TDRD3: variants seen among roughly 807,000 people sequenced by gnomAD.
The protein encoded by TDRD3 is tudor domain containing 3, also known as tudor domain-containing protein 3.
A neutral mutation model predicts 86.7 loss-of-function variants in TDRD3; 45 were observed. The ratio of observed to expected loss-of-function variants is 0.52; its 90% CI spans 0.41 to 0.67. The LOEUF (loss-of-function observed/expected upper bound fraction) is 0.67, where lower values mean the gene tolerates loss of function less well. TDRD3 is among the 30% of genes least tolerant of loss of function. The pLI is 0.00. For synonymous variants in TDRD3, 298 were observed against 301.7 expected, an observed-to-expected ratio of 0.99 and a Z score of 0.13; for missense variants, 814 against 889.0, an observed-to-expected ratio of 0.92 and a Z score of 1.07.
chr13:60,431,703 C>CAAA (rs67787868), intron 1 of TDRD3, among the ~76,000 whole-genome samples: 23 of 62,946 alleles, frequency 3.7e-4, no homozygotes, highest in East Asian at 1.2e-3. Context: ...CTATCTTTAC[C>CAAA]AAAAAAAAAA....
chr13:60,431,898 A>G (rs573374512), intron 1 of TDRD3, among the ~76,000 whole-genome samples: 132 of 152,122 alleles, frequency 8.7e-4, no homozygotes, highest in African/African-American at 3.1e-3. Flanking sequence ...TTTAAATAGT[A>G]CGTACCTTTA....
At position 60,509,657 on chromosome 13, in the gene TDRD3, A is replaced by C. The variant is rs559410453; in HGVS notation, c.859-106A>C. 27 of 1,342,868 alleles carry C rather than the reference A, an allele frequency of 2.0e-5. 1 individual carries two copies. The Middle Eastern group carries it at 6.3e-4, about 31-fold the overall frequency. The allele number at this position is 1,342,868 out of a possible 1,614,324, so 83.2% of individuals were successfully genotyped here. The stretch of plus-strand genomic sequence containing the variant: ...TGTTGTATTAGAATGACATTTTTAC[A>C]TAAGTATGGGATGTAATTTTTAGTT... On this transcript the variant is annotated intron_variant, in intron 8 of 13. Coordinates refer to ENST00000377881, the MANE Select transcript of TDRD3 (RefSeq NM_001146070.2).
At chr13:60,484,505 T>C (rs1956385476) in intron 6 of TDRD3, among the ~76,000 whole-genome samples, 1 of 152,146 alleles carries the variant, frequency 6.6e-6, no homozygotes, top group Middle Eastern at 3.4e-3. Flanking sequence ...AGGCAACAGA[T>C]CTGTGTTTCC....
intron 1 of TDRD3, among the ~76,000 whole-genome samples, chr13:60,412,749 G>C (rs1206349952): frequency 1.3e-5 from 2 of 152,020 alleles, no homozygotes; most frequent in African/African-American, 4.8e-5. Flanking sequence ...TGTTTTCATG[G>C]AAAATAAAAT....
At position 60,525,213 on chromosome 13, in the gene TDRD3, G is replaced by A. The variant is rs1196488021; in HGVS notation, c.1142-3154G>A. Reference sequence around the variant, plus strand: ...TTTTGAGACGAGATCTCTGTCTGTCGCCCAGGCTGGAGTTCAGTGGCACAA... The same window carrying A: ...TTTTGAGACGAGATCTCTGTCTGTCACCCAGGCTGGAGTTCAGTGGCACAA... On this transcript the variant is annotated intron_variant, in intron 10 of 13. Transcript: ENST00000377881. 1.7e-3 allele frequency among the ~76,000 whole-genome samples: 178 copies of A among 104,564 alleles called. 2 individuals are homozygous for A. The highest frequency in any genetic ancestry group is 6.0e-3 in the African/African-American group (159 of 26,614). 68.6% of individuals were successfully genotyped at this position (104,564 alleles called of 152,430 possible). A position where few individuals can be genotyped will look rare whatever the true frequency, so the allele number is the denominator to read the frequency against.
At chr13:60,431,231 T>G (rs1954946319) in intron 1 of TDRD3, among the ~76,000 whole-genome samples, 1 of 152,066 alleles carries the variant, frequency 6.6e-6, no homozygotes, top group Non-Finnish European at 1.5e-5. Flanking sequence ...TAAGCTAGTT[T>G]AGTATCTCTT....
intron 1 of TDRD3, among the ~76,000 whole-genome samples, chr13:60,435,840 T>A (rs928135431): frequency 6.6e-6 from 1 of 151,938 alleles, no homozygotes; most frequent in Non-Finnish European, 1.5e-5. Context: ...TTAAGGAATC[T>A]CCATACTGTT....
At chr13:60,562,577 T>G (rs1958359943) in intron 12 of TDRD3, among the ~76,000 whole-genome samples, 1 of 152,150 alleles carries the variant, frequency 6.6e-6, no homozygotes, top group Non-Finnish European at 1.5e-5. Context: ...GGCTTGGAAA[T>G]TCATAGAATA....
chr13:60,467,420 T>C (rs751329014), intron 5 of TDRD3, 41 bp downstream of exon 5: 40 of 1,599,778 alleles, frequency 2.5e-5, no homozygotes, highest in Non-Finnish European at 2.7e-5. Flanking sequence ...AACATTACAC[T>C]CTTTTTTATT....
chr13:60,489,326 T>C (rs573785014), intron 7 of TDRD3, among the ~76,000 whole-genome samples: 21 of 152,234 alleles, frequency 1.4e-4, no homozygotes, highest in Non-Finnish European at 3.1e-4. Flanking sequence ...GAGATTGAAA[T>C]TGTTTCCTTT....
intron 1 of TDRD3, among the ~76,000 whole-genome samples, chr13:60,397,745 A>G (rs1953969631): frequency 6.6e-6 from 1 of 151,464 alleles, no homozygotes; most frequent in Non-Finnish European, 1.5e-5. Context: ...GAGGACCTGC[A>G]GCGCCGTCCG....
chr13:60,457,670 A>G (rs1341469876), intron 3 of TDRD3, among the ~76,000 whole-genome samples: 1 of 152,196 alleles, frequency 6.6e-6, no homozygotes, highest in East Asian at 1.9e-4. Flanking sequence ...ATGGAAATTT[A>G]TTTTCTCACA....
At chr13:60,444,995 A>G (rs558850623) in intron 3 of TDRD3, among the ~76,000 whole-genome samples, 2 of 152,122 alleles carry the variant, frequency 1.3e-5, no homozygotes, top group African/African-American at 2.4e-5. Flanking sequence ...GCATGCTTAC[A>G]TGAACGGTGA....
At position 60,567,566 on chromosome 13, in the gene TDRD3, G is replaced by A. The variant is rs758824807; in HGVS notation, c.2160G>A (p.Arg720=). ...GTYDQTLEFR[R]GGDGQPRRST... ...ACGATCAAACTCTGGAGTTCCGTAG[G>A]GGAGGTGATGGCCAGCCAAGACGAT... The change falls in exon 13 of 14, where the codon AGG becomes AGA. Residue 720 remains arginine, a synonymous_variant. Coordinates refer to ENST00000377881, the MANE Select transcript of TDRD3 (RefSeq NM_001146070.2). The A allele has an allele frequency of 6.2e-7, 1 of 1,614,126 alleles. No homozygotes were observed. Among genetic ancestry groups the A allele is most frequent in the Non-Finnish European group, 8.5e-7 (1 of 1,180,016 alleles).
chr13:60,518,689 A>C (rs1957222676), intron 10 of TDRD3, among the ~76,000 whole-genome samples: 1 of 152,144 alleles, frequency 6.6e-6, no homozygotes, highest in Non-Finnish European at 1.5e-5. Context: ...TCTTTTATGA[A>C]CCTTAAATTA....
Position 60,509,870 on chromosome 13 carries a change from A to G in TDRD3, c.966A>G (p.Val322=). 5 of 1,613,836 alleles carry G rather than the reference A, an allele frequency of 3.1e-6. No individual in the cohort carries two copies. Among genetic ancestry groups the G allele is most frequent in the Non-Finnish European group, 4.2e-6 (5 of 1,179,736 alleles). Residue 322 remains valine (V), a synonymous_variant, in exon 9 of 14, where the codon GTA becomes GTG. Transcript: ENST00000377881. ...ACAACTTAGAAGCAGCACTGAACGT[A>G]CTTCTTACAAGCAATAAACAGAAAC... ...NGNNLEAALN[V]LLTSNKQKPV...
chr13:60,547,135 T>G, intron 12 of TDRD3: 30 of 409,664 alleles, frequency 7.3e-5, no homozygotes, highest in Middle Eastern at 1.3e-3. Context: ...TATTCTGAAA[T>G]GAGAATTACT....
intron 8 of TDRD3, among the ~76,000 whole-genome samples, chr13:60,496,301 ATAT>A (rs1157068332): frequency 4.4e-5 from 1 of 22,828 alleles, no homozygotes; most frequent in East Asian, 8.8e-4. Flanking sequence ...ATATATATAT[ATAT>A]ATATATATAT....
intron 3 of TDRD3, among the ~76,000 whole-genome samples, chr13:60,452,699 TA>T (rs1255366125): frequency 2.0e-5 from 3 of 152,108 alleles, no homozygotes; most frequent in African/African-American, 7.2e-5. Flanking sequence ...TCCTTCCACT[TA>T]CTATTAGTTT....
Sources: gnomAD v4.1 joint callset for allele counts (sites outside exome capture counted in the v4.1 genomes callset) on GRCh38, gnomAD v4.1.1 for gene constraint, MANE v1.5 for transcripts, NCBI Gene and HGNC (gene_info 2026-07-23, HGNC 2026-07-21) for gene names.